Variants in FBXL5 observed in about 807,000 individuals in gnomAD.
FBXL5 encodes F-box/LRR-repeat protein 5.
A neutral mutation model predicts 78.3 loss-of-function variants in FBXL5; 26 were observed. The ratio of observed to expected loss-of-function variants is 0.33; its 90% confidence interval spans 0.24 to 0.46. FBXL5 has a LOEUF of 0.46. FBXL5 is among the 20% of genes least tolerant of loss of function. The pLI is 1.00. For synonymous variants in FBXL5, 295 were observed against 282.5 expected, an observed-to-expected ratio of 1.04 and a Z score of -0.45; for missense variants, 710 against 829.2, an observed-to-expected ratio of 0.86 and a Z score of 1.77.
intron 6 of FBXL5, 114 bp from the exon 7 acceptor site, chr4:15,628,147 T>C: frequency 5.0e-6 from 5 of 1,007,444 alleles, no homozygotes; most frequent in African/African-American, 1.7e-5. Context: ...TATACTTTCT[T>C]ATGTAAACCA....
upstream of FBXL5, chr4:15,659,723 C>T (rs1041958494): frequency 2.2e-5 from 22 of 985,114 alleles, no homozygotes; most frequent in African/African-American, 3.7e-4. Context: ...TTTATGTCAC[C>T]TACCTTGCGT....
At chr4:15,656,163 G>C (rs1312706243), upstream of FBXL5, 13 of 455,920 alleles carry the variant, frequency 2.9e-5, no homozygotes, top group Non-Finnish European at 4.8e-5. Context: ...GTTGGTGCGG[G>C]AAAGAACCTT....
intron 1 of FBXL5, among the ~76,000 whole-genome samples, chr4:15,654,892 C>T (rs894331285): frequency 6.6e-6 from 1 of 152,106 alleles, no homozygotes; most frequent in Non-Finnish European, 1.5e-5. Flanking sequence ...GGAGTCCCAG[C>T]GCGGCGGTGG....
chr4:15,606,078 G>T (rs752262029), intron 10 of FBXL5, among the ~76,000 whole-genome samples: 3 of 152,102 alleles, frequency 2.0e-5, no homozygotes, highest in Non-Finnish European at 2.9e-5. Flanking sequence ...AAATGGAAAT[G>T]AGACAATCCA....
upstream of FBXL5, among the ~76,000 whole-genome samples, chr4:15,659,184 T>A (rs753523418): frequency 6.6e-6 from 1 of 152,236 alleles, no homozygotes; most frequent in Non-Finnish European, 1.5e-5. Context: ...CCTGACATTA[T>A]GTAATAATGT....
At chr4:15,655,719 C>T (rs1577497184), upstream of FBXL5, among the ~76,000 whole-genome samples, 1 of 152,340 alleles carries the variant, frequency 6.6e-6, no homozygotes, top group Admixed American at 6.5e-5. Flanking sequence ...GCGGTCAGGG[C>T]CGCGAGCTCT....
chr4:15,671,257 T>C (rs1717754779), intron 1 of FBXL5, among the ~76,000 whole-genome samples: 1 of 152,030 alleles, frequency 6.6e-6, no homozygotes, highest in Non-Finnish European at 1.5e-5. Flanking sequence ...AGGGTTTTTC[T>C]CTGTTTGGTA....
At chr4:15,671,734 G>C (rs1456160138) in intron 1 of FBXL5, among the ~76,000 whole-genome samples, 1 of 152,160 alleles carries the variant, frequency 6.6e-6, no homozygotes, top group Non-Finnish European at 1.5e-5. Context: ...CTTATGCACA[G>C]CTCACTGATA....
At chr4:15,613,402 A>G (rs1191007718) in intron 9 of FBXL5, among the ~76,000 whole-genome samples, 1 of 152,208 alleles carries the variant, frequency 6.6e-6, no homozygotes, top group East Asian at 1.9e-4. Flanking sequence ...CCCTAGAAGA[A>G]TAAAAGCAGT....
At position 15,605,465 on chromosome 4, in the gene FBXL5, T is replaced by C. The variant is rs960267946; in HGVS notation, c.*258A>G. On this transcript the variant is annotated 3_prime_UTR_variant, in exon 11 of 11. Coordinates refer to ENST00000341285, the MANE Select transcript of FBXL5 (RefSeq NM_012161.4). ...GCATTACCAACATTCTTTAAAGCAT[T>C]TCATTTAAAAGAAAAATGTAAGACT... 2.7e-6 allele frequency: 1 copy of C among 364,426 alleles called. No individual in the cohort carries two copies. Among genetic ancestry groups the C allele is most frequent in the African/African-American group, 2.1e-5 (1 of 48,344 alleles). 22.6% of individuals were successfully genotyped at this position (364,426 alleles called of 1,614,324 possible). A position where few individuals can be genotyped will look rare whatever the true frequency, so the allele number is the denominator to read the frequency against.
chr4:15,608,184 AG>A (rs1722011009), intron 10 of FBXL5, among the ~76,000 whole-genome samples: 1 of 152,184 alleles, frequency 6.6e-6, no homozygotes. Context: ...TTTCAACAGT[AG>A]CCTAAGAAAA....
chr4:15,630,607 G>A (rs1045549424), intron 6 of FBXL5, 59 bp downstream of exon 6: 2 of 1,390,558 alleles, frequency 1.4e-6, no homozygotes, highest in Admixed American at 2.6e-5. Flanking sequence ...ATAATTATAA[G>A]TACTTAATTA....
intron 1 of FBXL5, among the ~76,000 whole-genome samples, chr4:15,654,098 A>G (rs6414767): frequency 0.64 from 97,123 of 152,076 alleles, 31,168 homozygotes; most frequent in Admixed American, 0.69. Flanking sequence ...GTGTGGCCTA[A>G]CAGTGAATAC....
chr4:15,612,123 A>T (rs1294033953), intron 10 of FBXL5, 143 bp downstream of exon 10: 1 of 637,946 alleles, frequency 1.6e-6, no homozygotes, highest in East Asian at 3.4e-5. Context: ...TAATTTTAAA[A>T]TTTTATCAAA....
chr4:15,673,556 T>A (rs1216172805), intron 1 of FBXL5, among the ~76,000 whole-genome samples: 3 of 152,200 alleles, frequency 2.0e-5, no homozygotes, highest in African/African-American at 7.2e-5. Flanking sequence ...TGGTAGGAAT[T>A]TTCCAGCTCC....
intron 1 of FBXL5, among the ~76,000 whole-genome samples, chr4:15,650,629 T>C (rs924223867): frequency 4.6e-5 from 7 of 151,542 alleles, no homozygotes; most frequent in African/African-American, 1.7e-4. Flanking sequence ...CATGATATCT[T>C]CCACATTTTA....
chr4:15,605,668 C>A lies in FBXL5; in HGVS notation c.*55G>T. On this transcript the variant is annotated 3_prime_UTR_variant, in exon 11 of 11. Transcript: ENST00000341285. ...CAAGAAATGTGCTATGAGTAAAGTG[C>A]ATGAAAGAAAGCCTGCTCAGCTAAA... 1 of 1,465,740 alleles carries A rather than the reference C, an allele frequency of 6.8e-7. No individual in the cohort carries two copies. The highest frequency in any genetic ancestry group is 9.5e-7 in the Non-Finnish European group (1 of 1,048,980). 90.8% of individuals were successfully genotyped at this position (1,465,740 alleles called of 1,614,324 possible). A position where few individuals can be genotyped will look rare whatever the true frequency, so the allele number is the denominator to read the frequency against.
intron 9 of FBXL5, among the ~76,000 whole-genome samples, chr4:15,622,896 C>G (rs10008889): frequency 0.29 from 43,781 of 152,016 alleles, 6,624 homozygotes; most frequent in East Asian, 0.47. Flanking sequence ...AAGAATACCT[C>G]ACATGCAAGC....
chr4:15,666,578 T>C (rs1717555760), intron 1 of FBXL5, among the ~76,000 whole-genome samples: 1 of 152,138 alleles, frequency 6.6e-6, no homozygotes, highest in Admixed American at 6.5e-5. Context: ...TTGAGATCTA[T>C]TGGACAGCAG....
Sources: gnomAD v4.1 joint callset for allele counts (sites outside exome capture counted in the v4.1 genomes callset) on GRCh38, gnomAD v4.1.1 for gene constraint, MANE v1.5 for transcripts, NCBI Gene and HGNC (gene_info 2026-07-23, HGNC 2026-07-21) for gene names.